Variants in CHST9 observed in about 807,000 individuals in gnomAD.
The protein encoded by CHST9 is GalNAc-4-sulfotransferase 2.
Under a neutral mutation model 44.4 loss-of-function variants are expected in CHST9, and 41 were observed. The ratio of observed to expected loss-of-function variants is 0.92; its 90% CI spans 0.72 to 1.20. The LOEUF (loss-of-function observed/expected upper bound fraction) is 1.20, where lower values mean the gene tolerates loss of function less well. Among genes scored for constraint, CHST9 ranks in the 50% most tolerant of loss-of-function variants. The pLI, the probability that CHST9 is intolerant of heterozygous loss-of-function variation, is 0.00. For synonymous variants in CHST9, 171 were observed against 178.4 expected, an observed-to-expected ratio of 0.96 and a Z score of 0.33; for missense variants, 504 against 516.5, an observed-to-expected ratio of 0.98 and a Z score of 0.23.
At chr18:26,951,092 G>T (rs2056240635) in intron 4 of CHST9, among the ~76,000 whole-genome samples, 2 of 152,196 alleles carry the variant, frequency 1.3e-5, no homozygotes, top group Non-Finnish European at 2.9e-5. Context: ...TGCAGAGGCA[G>T]GTTGCGCACA....
intron 2 of CHST9, among the ~76,000 whole-genome samples, chr18:27,093,191 A>G (rs948197655): frequency 1.3e-5 from 2 of 152,338 alleles, no homozygotes; most frequent in South Asian, 4.1e-4. Context: ...CAGTTAGGCT[A>G]CACAGGGATC....
chr18:26,996,730 G>A (rs2056892376), intron 4 of CHST9, among the ~76,000 whole-genome samples: 1 of 152,130 alleles, frequency 6.6e-6, no homozygotes, highest in African/African-American at 2.4e-5. Flanking sequence ...ATACTCTCTT[G>A]TCCCTCCACA....
chr18:27,124,375 C>A (rs993537173), intron 2 of CHST9, among the ~76,000 whole-genome samples: 1 of 152,158 alleles, frequency 6.6e-6, no homozygotes, highest in Non-Finnish European at 1.5e-5. Context: ...TGTGAATGAA[C>A]AAAGACTTAT....
chr18:27,131,670 T>A (rs1438614836), intron 2 of CHST9, among the ~76,000 whole-genome samples: 1 of 152,126 alleles, frequency 6.6e-6, no homozygotes, highest in African/African-American at 2.4e-5. Flanking sequence ...CAACTGATAA[T>A]CATTAATGTT....
At chr18:26,970,635 C>A (rs2056529487) in intron 4 of CHST9, among the ~76,000 whole-genome samples, 1 of 152,106 alleles carries the variant, frequency 6.6e-6, no homozygotes, top group Non-Finnish European at 1.5e-5. Flanking sequence ...ACCATGTTGC[C>A]CAGGCAGGAC....
At chr18:27,020,723 G>A (rs1397478762) in intron 4 of CHST9, among the ~76,000 whole-genome samples, 2 of 152,244 alleles carry the variant, frequency 1.3e-5, no homozygotes, top group South Asian at 2.1e-4. Context: ...GCAAGATATA[G>A]CCTATATTTC....
intron 4 of CHST9, among the ~76,000 whole-genome samples, chr18:26,967,144 T>C (rs1488714796): frequency 6.6e-6 from 1 of 152,148 alleles, no homozygotes; most frequent in African/African-American, 2.4e-5. Context: ...TGAGAGAGTG[T>C]AAGGCAAAAA....
At chr18:26,970,008 G>A (rs1332945553) in intron 4 of CHST9, among the ~76,000 whole-genome samples, 2 of 152,100 alleles carry the variant, frequency 1.3e-5, no homozygotes, top group African/African-American at 4.8e-5. Context: ...TTTCCCACAT[G>A]ACCCATTGGT....
At chr18:27,153,509 T>C (rs2058674109) in intron 1 of CHST9, among the ~76,000 whole-genome samples, 1 of 150,508 alleles carries the variant, frequency 6.6e-6, no homozygotes, top group African/African-American at 2.5e-5. Flanking sequence ...TGTCTCTGTC[T>C]CTGTCTCTCT....
chr18:27,006,979 G>A (rs140292689), intron 4 of CHST9, among the ~76,000 whole-genome samples: 196 of 152,180 alleles, frequency 1.3e-3, no homozygotes, highest in African/African-American at 4.6e-3. Flanking sequence ...GCATGTGTAC[G>A]TGCATGTGTG....
intron 2 of CHST9, among the ~76,000 whole-genome samples, chr18:27,098,828 G>GAAAA (rs56011064): frequency 1.4e-5 from 2 of 141,204 alleles, no homozygotes; most frequent in Admixed American, 7.1e-5. Flanking sequence ...CACAGAACTG[G>GAAAA]AAAAAAAAAA....
At chr18:27,035,820 T>C (rs1457825415) in intron 3 of CHST9, among the ~76,000 whole-genome samples, 1 of 152,114 alleles carries the variant, frequency 6.6e-6, no homozygotes, top group Admixed American at 6.6e-5. Context: ...GTGACTATAG[T>C]TAACCACACT....
intron 1 of CHST9, among the ~76,000 whole-genome samples, chr18:27,153,868 T>C (rs11662121): frequency 0.41 from 62,529 of 151,826 alleles, 13,304 homozygotes; most frequent in East Asian, 0.62. Context: ...AGTTGGATGG[T>C]TATGGGAAGT....
chr18:26,949,020 C>T (rs115386463), intron 4 of CHST9, among the ~76,000 whole-genome samples: 2,299 of 152,116 alleles, frequency 0.015, 71 homozygotes, highest in African/African-American at 0.053. Context: ...GCTTTGCAGG[C>T]AGAAGGAGGC....
intron 2 of CHST9, among the ~76,000 whole-genome samples, chr18:27,063,892 A>C (rs1379874449): frequency 6.6e-6 from 1 of 152,004 alleles, no homozygotes; most frequent in Non-Finnish European, 1.5e-5. Flanking sequence ...TGAAGGTGGG[A>C]GGCCACGAGG....
chr18:26,942,091 T>C (rs2056091997), intron 5 of CHST9, among the ~76,000 whole-genome samples: 1 of 152,122 alleles, frequency 6.6e-6, no homozygotes, highest in Non-Finnish European at 1.5e-5. Flanking sequence ...TAAAAAATAC[T>C]GTATGGATTA....
Position 27,065,584 on chromosome 18 carries a change from CTT to C in CHST9, c.122-17083_122-17082del, listed in dbSNP as rs56023514. ...AGAGGATTTATAGAGTCGTTCACTG[CTT>C]TTTTTTTTTTTTTTTTGAGAGAGAT... On this transcript the variant is annotated intron_variant, in intron 2 of 5. Transcript: ENST00000618847. Among the ~76,000 whole-genome samples the C allele has an allele frequency of 9.6e-3, 1,235 of 128,674 alleles. 13 individuals carry two copies. Among genetic ancestry groups the C allele is most frequent in the African/African-American group, 0.032 (1,128 of 35,554 alleles). 84.4% of individuals were successfully genotyped at this position (128,674 alleles called of 152,430 possible).
intron 2 of CHST9, among the ~76,000 whole-genome samples, chr18:27,090,340 A>T (rs529157519): frequency 1.7e-4 from 26 of 152,044 alleles, no homozygotes; most frequent in African/African-American, 6.3e-4. Context: ...TAGGTTCTGG[A>T]TATTAGCCCT....
At chr18:27,034,011 C>G (rs2057366312) in intron 3 of CHST9, among the ~76,000 whole-genome samples, 1 of 152,214 alleles carries the variant, frequency 6.6e-6, no homozygotes, top group Non-Finnish European at 1.5e-5. Flanking sequence ...CTCAAATCCA[C>G]CCACTCCCCC....
Sources: allele counts gnomAD v4.1 joint callset (sites outside exome capture counted in the v4.1 genomes callset), GRCh38; gene constraint gnomAD v4.1.1; transcripts MANE v1.5; gene names NCBI Gene and HGNC (gene_info 2026-07-23, HGNC 2026-07-21).